The following MSI2 variants were observed in gnomAD, a reference collection of about 807,000 sequenced individuals.
MSI2 encodes RNA-binding protein Musashi homolog 2.
A neutral mutation model predicts 45.6 loss-of-function variants in MSI2; 17 were observed. The observed-to-expected ratio is 0.37, with a 90% confidence interval of 0.26 to 0.56. The LOEUF (loss-of-function observed/expected upper bound fraction) is 0.56. Ranked by LOEUF, MSI2 falls within the 20% of genes least tolerant of loss-of-function variation. MSI2 has a pLI of 0.77. For synonymous variants in MSI2, 156 were observed against 158.2 expected, an observed-to-expected ratio of 0.99 and a Z score of 0.11; for missense variants, 293 against 444.2, an observed-to-expected ratio of 0.66 and a Z score of 3.06.
chr17:57,553,368 G>T (rs1479020633), intron 7 of MSI2, among the ~76,000 whole-genome samples: 1 of 152,226 alleles, frequency 6.6e-6, no homozygotes, highest in Non-Finnish European at 1.5e-5. Context: ...GGTCTTCCTG[G>T]ACCCCTAGCC....
intron 5 of MSI2, chr17:57,286,126 C>G: frequency 1.6e-6 from 1 of 643,770 alleles, no homozygotes; most frequent in Non-Finnish European, 2.3e-6. Context: ...TACCTAATTC[C>G]TTATCTCATT....
At chr17:57,312,391 G>A (rs1377874250) in intron 5 of MSI2, among the ~76,000 whole-genome samples, 5 of 152,154 alleles carry the variant, frequency 3.3e-5, no homozygotes. Context: ...GGTGGTGTTT[G>A]AGAGGCTCCG....
intron 5 of MSI2, chr17:57,266,880 A>C (rs576105171): frequency 3.9e-5 from 6 of 152,404 alleles, no homozygotes; most frequent in African/African-American, 1.4e-4. Context: ...AGGTTGTAGC[A>C]GGGCTGAGCT....
At chr17:57,538,835 C>T (rs2086978785) in intron 7 of MSI2, among the ~76,000 whole-genome samples, 1 of 152,206 alleles carries the variant, frequency 6.6e-6, no homozygotes, top group Admixed American at 6.5e-5. Flanking sequence ...GTTAAGATCA[C>T]ATGCTCTGAA....
chr17:57,577,472 A>G (rs540438420), intron 7 of MSI2, among the ~76,000 whole-genome samples: 2 of 152,348 alleles, frequency 1.3e-5, no homozygotes, highest in East Asian at 3.9e-4. Context: ...AGGATTCTGT[A>G]TAAAATTATA....
chr17:57,562,327 C>A (rs1246915783), intron 7 of MSI2, among the ~76,000 whole-genome samples: 1 of 152,218 alleles, frequency 6.6e-6, no homozygotes, highest in Non-Finnish European at 1.5e-5. Flanking sequence ...ACCGTACTTC[C>A]CAGGCCTCTT....
intron 6 of MSI2, among the ~76,000 whole-genome samples, chr17:57,484,853 T>C (rs184944509): frequency 7.9e-5 from 12 of 152,278 alleles, no homozygotes; most frequent in African/African-American, 2.9e-4. Flanking sequence ...TTACCTGTGC[T>C]CGAAGACCCA....
chr17:57,444,112 A>T (rs2084851438), intron 6 of MSI2, among the ~76,000 whole-genome samples: 1 of 152,168 alleles, frequency 6.6e-6, no homozygotes, highest in Admixed American at 6.5e-5. Flanking sequence ...TTTTTTAGAA[A>T]GGACTCGAGA....
intron 10 of MSI2, chr17:57,632,153 G>A: frequency 8.4e-7 from 1 of 1,196,232 alleles, no homozygotes; most frequent in Non-Finnish European, 1.0e-6. Context: ...GGGGAAGCTA[G>A]GAAGAAGACA....
chr17:57,478,279 C>T (rs1050534356), intron 6 of MSI2, among the ~76,000 whole-genome samples: 3 of 152,220 alleles, frequency 2.0e-5, no homozygotes, highest in African/African-American at 7.2e-5. Flanking sequence ...AAGGCAGAAT[C>T]GATGGCACCT....
At chr17:57,274,409 A>G (rs1233235958) in intron 5 of MSI2, 2 of 152,160 alleles carry the variant, frequency 1.3e-5, no homozygotes, top group African/African-American at 4.8e-5. Context: ...GGAGATGATG[A>G]TGGTATCACC....
chr17:57,474,904 A>G (rs2085509477), intron 6 of MSI2, among the ~76,000 whole-genome samples: 1 of 152,000 alleles, frequency 6.6e-6, no homozygotes. Context: ...TATTTTTAGT[A>G]GAGATGGGGT....
intron 6 of MSI2, among the ~76,000 whole-genome samples, chr17:57,413,760 C>T (rs1442659391): frequency 6.6e-6 from 1 of 151,800 alleles, no homozygotes; most frequent in Non-Finnish European, 1.5e-5. Context: ...TGTTAATAAA[C>T]TCAGTGTAAA....
intron 7 of MSI2, among the ~76,000 whole-genome samples, chr17:57,537,453 A>G (rs2086945159): frequency 6.6e-6 from 1 of 152,248 alleles, no homozygotes; most frequent in East Asian, 1.9e-4. Context: ...CTCGTTAAAT[A>G]AACACCATTA....
chr17:57,581,571 C>CT (rs2088207553), intron 7 of MSI2, among the ~76,000 whole-genome samples: 1 of 152,118 alleles, frequency 6.6e-6, no homozygotes, highest in Admixed American at 6.5e-5. Context: ...GAACAATTTT[C>CT]TTTAGGAAAA....
At chr17:57,346,032 G>A (rs553757499) in intron 5 of MSI2, among the ~76,000 whole-genome samples, 1 of 152,274 alleles carries the variant, frequency 6.6e-6, no homozygotes, top group African/African-American at 2.4e-5. Flanking sequence ...GGTGAAAGGT[G>A]AGAGATGAAA....
At chr17:57,486,629 C>G (rs185606265) in intron 6 of MSI2, among the ~76,000 whole-genome samples, 1 of 152,278 alleles carries the variant, frequency 6.6e-6, no homozygotes, top group East Asian at 1.9e-4. Context: ...GGTCAGGCTT[C>G]TTGTTTTTCT....
chr17:57,348,752 T>C (rs1201165328), intron 5 of MSI2, among the ~76,000 whole-genome samples: 1 of 152,114 alleles, frequency 6.6e-6, no homozygotes, highest in Non-Finnish European at 1.5e-5. Flanking sequence ...CAGCCTCAGG[T>C]ACTTCCTTAT....
In MSI2 at chr17:57,684,431, A is replaced by G; in HGVS notation, c.*4914A>G. 1 of 125,194 alleles carries G rather than the reference A, an allele frequency of 8.0e-6. No individual in the cohort carries two copies. Among genetic ancestry groups the G allele is most frequent in the East Asian group, 1.0e-4 (1 of 9,552 alleles). The allele number at this position is 125,194 out of a possible 1,614,324, so 7.8% of individuals were successfully genotyped here. A position where few individuals can be genotyped will look rare whatever the true frequency, so the allele number is the denominator to read the frequency against. On this transcript the variant is annotated 3_prime_UTR_variant, in exon 14 of 14. Coordinates refer to ENST00000284073, the MANE Select transcript of MSI2 (RefSeq NM_138962.4). ...GGTAGTGAGTATTTTTTTTATATATATACATATATATGTACTATCTATATA... is the reference window on the plus strand; with the variant it reads ...GGTAGTGAGTATTTTTTTTATATATGTACATATATATGTACTATCTATATA...
Sources: gnomAD v4.1 joint callset for allele counts (sites outside exome capture counted in the v4.1 genomes callset) on GRCh38, gnomAD v4.1.1 for gene constraint, MANE v1.5 for transcripts, NCBI Gene and HGNC (gene_info 2026-07-23, HGNC 2026-07-21) for gene names.